The following CNTNAP2 variants were observed in gnomAD, a reference collection of about 807,000 sequenced individuals.
CNTNAP2 encodes contactin-associated protein-like 2.
Under a neutral mutation model 155.2 loss-of-function variants are expected in CNTNAP2, and 98 were observed. The observed-to-expected ratio is 0.63, with a 90% CI of 0.54 to 0.75. The LOEUF is 0.75. Ranked by LOEUF, CNTNAP2 falls within the 30% of genes least tolerant of loss-of-function variation. The probability of loss-of-function intolerance (pLI) is 0.00; values close to 1 mark genes in which losing one functional copy is unlikely to be tolerated. For missense variants in CNTNAP2, 1,727 were observed against 1,688.1 expected (o/e 1.02, Z -0.40); for synonymous variants, 651 against 631.2 (o/e 1.03, Z -0.47).
intron 1 of CNTNAP2, among the ~76,000 whole-genome samples, chr7:146,265,234 T>G (rs1298760150): frequency 6.6e-6 from 1 of 152,162 alleles, no homozygotes; most frequent in African/African-American, 2.4e-5. Flanking sequence ...ATGTATGTAC[T>G]ATAGATTATT....
At chr7:146,235,238 A>C (rs1165595897) in intron 1 of CNTNAP2, among the ~76,000 whole-genome samples, 1 of 149,410 alleles carries the variant, frequency 6.7e-6, no homozygotes, top group Admixed American at 6.7e-5. Flanking sequence ...TTTTTTTTTT[A>C]ATTGGGAATC....
At chr7:146,322,264 A>G (rs560127924) in intron 1 of CNTNAP2, among the ~76,000 whole-genome samples, 1 of 152,320 alleles carries the variant, frequency 6.6e-6, no homozygotes, top group Admixed American at 6.5e-5. Flanking sequence ...GCACTGTCAG[A>G]TAAAAGATAT....
intron 1 of CNTNAP2, among the ~76,000 whole-genome samples, chr7:146,597,010 A>G (rs1455231022): frequency 2.0e-5 from 3 of 152,114 alleles, no homozygotes; most frequent in Non-Finnish European, 4.4e-5. Context: ...AATTCACATT[A>G]CCATCCAAGA....
intron 21 of CNTNAP2, among the ~76,000 whole-genome samples, chr7:148,320,280 CT>C (rs770187766): frequency 9.2e-5 from 14 of 151,726 alleles, no homozygotes; most frequent in Non-Finnish European, 1.5e-4. Flanking sequence ...TTTTGTTTGC[CT>C]GTTTTTTTCT....
At chr7:146,804,353 G>A (rs1032029594) in intron 2 of CNTNAP2, among the ~76,000 whole-genome samples, 1 of 152,076 alleles carries the variant, frequency 6.6e-6, no homozygotes, top group African/African-American at 2.4e-5. Flanking sequence ...CTGTCATCAG[G>A]ATTCCAAATC....
At chr7:148,081,657 T>C (rs1803607618) in intron 15 of CNTNAP2, among the ~76,000 whole-genome samples, 1 of 152,032 alleles carries the variant, frequency 6.6e-6, no homozygotes, top group East Asian at 1.9e-4. Flanking sequence ...ATATATCTAT[T>C]TTATTAGTTC....
chr7:147,908,719 A>G (rs1283692708), intron 14 of CNTNAP2, among the ~76,000 whole-genome samples: 1 of 152,186 alleles, frequency 6.6e-6, no homozygotes, highest in East Asian at 1.9e-4. Flanking sequence ...ATGTTAAACC[A>G]CGTTTGTTGT....
At chr7:146,168,693 A>G (rs1216493275) in intron 1 of CNTNAP2, among the ~76,000 whole-genome samples, 1 of 151,888 alleles carries the variant, frequency 6.6e-6, no homozygotes, top group African/African-American at 2.4e-5. Context: ...CCACTTTCTC[A>G]CTCCTTTCAA....
In CNTNAP2 at chr7:147,789,154, G is replaced by A. The variant is rs550564229; in HGVS notation, c.2099-114411G>A. Among the ~76,000 whole-genome samples the A allele has an allele frequency of 2.0e-4, 30 of 151,936 alleles. No individual in the cohort carries two copies. In the East Asian group the frequency reaches 3.3e-3, roughly 17 times the overall value. ...ACTCCTGACCTCAAGTGATCTGCCC[G>A]CCTCGGCCTCCCAAAGTGCTGGGAT... On this transcript the variant is annotated intron_variant, in intron 13 of 23. Coordinates refer to ENST00000361727, the MANE Select transcript of CNTNAP2 (RefSeq NM_014141.6).
At chr7:147,752,731 C>T (rs1295704663) in intron 13 of CNTNAP2, among the ~76,000 whole-genome samples, 1 of 152,140 alleles carries the variant, frequency 6.6e-6, no homozygotes, top group African/African-American at 2.4e-5. Flanking sequence ...CGTCATGAGC[C>T]ATGCCTTTAT....
chr7:147,527,181 T>G (rs1799340670), intron 11 of CNTNAP2, among the ~76,000 whole-genome samples: 1 of 151,630 alleles, frequency 6.6e-6, no homozygotes, highest in African/African-American at 2.4e-5. Flanking sequence ...CACCACCATG[T>G]ATGGCTAATT....
chr7:146,468,826 A>G lies in CNTNAP2; in HGVS notation c.98-305445A>G, dbSNP rs924606820. Among the ~76,000 whole-genome samples, 4 of 152,194 alleles carry G rather than the reference A, an allele frequency of 2.6e-5. No homozygotes were observed. In the East Asian group the frequency reaches 7.7e-4, roughly 29 times the overall value. On this transcript the variant is annotated intron_variant, in intron 1 of 23. Coordinates refer to ENST00000361727, the MANE Select transcript of CNTNAP2 (RefSeq NM_014141.6). Reference sequence around the variant, plus strand: ...TAAAAAACTCTGCAAAATGAAAATTATAGACTGAGATAGGTGAAGCAAAAA... The same window carrying G: ...TAAAAAACTCTGCAAAATGAAAATTGTAGACTGAGATAGGTGAAGCAAAAA...
chr7:146,990,804 C>T (rs1017281300), intron 3 of CNTNAP2, among the ~76,000 whole-genome samples: 2 of 151,966 alleles, frequency 1.3e-5, no homozygotes, highest in Admixed American at 6.6e-5. Flanking sequence ...AAGAAAAGCT[C>T]ATTGACTCAG....
intron 1 of CNTNAP2, among the ~76,000 whole-genome samples, chr7:146,748,844 G>T (rs1003533759): frequency 6.6e-6 from 1 of 152,280 alleles, no homozygotes; most frequent in South Asian, 2.1e-4. Flanking sequence ...ATCAGTTTGT[G>T]ATTTAATTGG....
At chr7:146,152,157 T>C (rs1392605808) in intron 1 of CNTNAP2, among the ~76,000 whole-genome samples, 2 of 152,050 alleles carry the variant, frequency 1.3e-5, no homozygotes, top group East Asian at 3.9e-4. Context: ...ATGTGATGTA[T>C]ATACACAATG....
intron 3 of CNTNAP2, among the ~76,000 whole-genome samples, chr7:146,911,749 A>T (rs1051843769): frequency 6.6e-6 from 1 of 152,008 alleles, no homozygotes; most frequent in Non-Finnish European, 1.5e-5. Context: ...TGGCACATGT[A>T]TACATATGTA....
intron 8 of CNTNAP2, among the ~76,000 whole-genome samples, chr7:147,138,552 C>A (rs758769416): frequency 2.0e-5 from 3 of 151,822 alleles, no homozygotes; most frequent in African/African-American, 4.8e-5. Context: ...CACTATCATG[C>A]GAACTGAGTG....
intron 3 of CNTNAP2, among the ~76,000 whole-genome samples, chr7:146,892,944 G>A (rs1041777544): frequency 6.6e-6 from 1 of 152,106 alleles, no homozygotes; most frequent in African/African-American, 2.4e-5. Context: ...TCTATATGCA[G>A]AGACAACTCA....
intron 21 of CNTNAP2, among the ~76,000 whole-genome samples, chr7:148,335,391 G>A (rs1295746906): frequency 6.6e-6 from 1 of 152,160 alleles, no homozygotes; most frequent in Non-Finnish European, 1.5e-5. Flanking sequence ...GTCTCCTGCT[G>A]TTGCTGAGTG....
Sources: gnomAD v4.1 joint callset for allele counts (sites outside exome capture counted in the v4.1 genomes callset) on GRCh38, gnomAD v4.1.1 for gene constraint, MANE v1.5 for transcripts, NCBI Gene and HGNC (gene_info 2026-07-23, HGNC 2026-07-21) for gene names.